SRBD1: variants seen among roughly 807,000 people sequenced by gnomAD.
SRBD1 encodes the protein S1 RNA-binding domain-containing protein 1.
A neutral mutation model predicts 115.3 loss-of-function variants in SRBD1; 88 were observed. That is an observed-to-expected ratio of 0.76 (90% CI 0.64 to 0.91). The LOEUF is 0.91. Among genes scored for constraint, SRBD1 ranks in the 40% least tolerant of loss-of-function variants. SRBD1 has a pLI of 0.00. For missense variants in SRBD1, 1,385 were observed against 1,177.4 expected, an observed-to-expected ratio of 1.18 and a Z score of -2.58; for synonymous variants, 509 against 407.7, an observed-to-expected ratio of 1.25 and a Z score of -2.99.
intron 9 of SRBD1, among the ~76,000 whole-genome samples, chr2:45,567,023 A>ATTC (rs1672850440): frequency 6.6e-6 from 1 of 152,210 alleles, no homozygotes; most frequent in South Asian, 2.1e-4. Flanking sequence ...ACAAAAACTT[A>ATTC]GACTTCCTAT....
Position 45,534,742 on chromosome 2 carries a change from T to C in SRBD1, c.1874+11990A>G, listed in dbSNP as rs78573015. Among the ~76,000 whole-genome samples, 570 of 152,092 alleles carry C rather than the reference T, an allele frequency of 3.7e-3. 10 individuals are homozygous for C. Among genetic ancestry groups the C allele is most frequent in the African/African-American group, 0.013 (542 of 41,550 alleles). ...AACACCAACCACATCTTTTCCTCCA[T>C]ATAAAACAGTATTAACTTCATAACA... On this transcript the variant is annotated intron_variant, in intron 14 of 20. Coordinates refer to ENST00000263736, the MANE Select transcript of SRBD1 (RefSeq NM_018079.5).
At chr2:45,502,483 A>G (rs1422093399) in intron 14 of SRBD1, among the ~76,000 whole-genome samples, 1 of 152,198 alleles carries the variant, frequency 6.6e-6, no homozygotes, top group Non-Finnish European at 1.5e-5. Context: ...CATATACACC[A>G]TGGAATACTA....
chr2:45,409,597 C>T (rs559859239), intron 19 of SRBD1, among the ~76,000 whole-genome samples: 7 of 151,020 alleles, frequency 4.6e-5, no homozygotes, highest in African/African-American at 1.7e-4. Context: ...AATATAGTTA[C>T]TGATGACATA....
At chr2:45,461,681 A>G (rs1484552528) in intron 16 of SRBD1, among the ~76,000 whole-genome samples, 1 of 151,914 alleles carries the variant, frequency 6.6e-6, no homozygotes, top group South Asian at 2.1e-4. Flanking sequence ...TTTAAATCTC[A>G]GAGATTCTCT....
rs982805193 is a variant in SRBD1 at position 45,527,684 on chromosome 2, G to A, written c.1874+19048C>T. On this transcript the variant is annotated intron_variant, in intron 14 of 20. Transcript: ENST00000263736. ...AATTTAATCTTCAAGAAAACCCTAC[G>A]AAGTAGATACTATTATTATCCCCAC... 5.3e-5 allele frequency among the ~76,000 whole-genome samples: 8 copies of A among 151,784 alleles called. No homozygotes were observed. In the South Asian group the frequency reaches 6.2e-4, roughly 12 times the overall value.
intron 16 of SRBD1, among the ~76,000 whole-genome samples, chr2:45,455,369 T>C (rs933180698): frequency 2.6e-5 from 4 of 151,910 alleles, no homozygotes; most frequent in Non-Finnish European, 5.9e-5. Context: ...TGCAGGTATG[T>C]GATAGTAGAT....
chr2:45,547,597 G>A lies in SRBD1; in HGVS notation c.1691C>T (p.Thr564Ile), dbSNP rs775924023. The A allele has an allele frequency of 3.7e-6, 6 of 1,612,896 alleles. No individual in the cohort carries two copies. The South Asian group carries it at 6.6e-5, about 18-fold the overall frequency. Residue 564 changes from threonine (T) to isoleucine (I), a missense_variant, in exon 13 of 21, where the codon ACT (threonine) becomes ATT (isoleucine). Transcript: ENST00000263736. ...IISPTSQILH[T>I]DVVYLHCGQG... ...TCCACAATGCAAGTAAACCACATCA[G>A]TATGAAGTATCTGACCTTTAAAAAA... is the stretch of plus-strand genomic sequence containing the variant.
At chr2:45,435,761 AC>A (rs1668477862) in intron 16 of SRBD1, among the ~76,000 whole-genome samples, 1 of 151,886 alleles carries the variant, frequency 6.6e-6, no homozygotes, top group South Asian at 2.1e-4. Flanking sequence ...GGATTACACT[AC>A]CCCCACCCTA....
chr2:45,412,057 G>C (rs1333817716), intron 19 of SRBD1, among the ~76,000 whole-genome samples: 3 of 151,164 alleles, frequency 2.0e-5, no homozygotes, highest in African/African-American at 7.3e-5. Flanking sequence ...AGGTTGCCGA[G>C]ATCACACCAC....
chr2:45,574,486 G>C (rs1673116191), intron 8 of SRBD1, 141 bp downstream of exon 8: 2 of 679,556 alleles, frequency 2.9e-6, no homozygotes, highest in Admixed American at 3.2e-5. Flanking sequence ...TTTGGGCTCT[G>C]TTGTTTGAAC....
At chr2:45,547,381 T>G in intron 13 of SRBD1, 141 bp downstream of exon 13, 1 of 647,358 alleles carries the variant, frequency 1.5e-6, no homozygotes, top group Non-Finnish European at 2.6e-6. Flanking sequence ...TCTCCAGCAA[T>G]TTGCCCCAGA....
chr2:45,590,635 T>A (rs950837137), intron 4 of SRBD1, among the ~76,000 whole-genome samples: 3 of 152,282 alleles, frequency 2.0e-5, no homozygotes, highest in African/African-American at 4.8e-5. Flanking sequence ...CCTGCCACCA[T>A]GTGAAGAAGG....
intron 14 of SRBD1, among the ~76,000 whole-genome samples, chr2:45,507,188 T>C (rs3770277): frequency 0.36 from 54,732 of 151,946 alleles, 11,035 homozygotes; most frequent in Non-Finnish European, 0.46. Flanking sequence ...ACTTGGTATG[T>C]ATCTCAACTG....
At chr2:45,486,967 T>C (rs2103850227) in intron 15 of SRBD1, among the ~76,000 whole-genome samples, 1 of 152,084 alleles carries the variant, frequency 6.6e-6, no homozygotes, top group East Asian at 1.9e-4. Flanking sequence ...AAAGAGTACA[T>C]GGTAAGGAGA....
At chr2:45,562,536 A>G (rs1411338830) in intron 10 of SRBD1, 117 bp downstream of exon 10, 2 of 789,418 alleles carry the variant, frequency 2.5e-6, no homozygotes, top group Non-Finnish European at 3.7e-6. Context: ...CCGGCCTGTC[A>G]CTGGCTTTTT....
intron 4 of SRBD1, among the ~76,000 whole-genome samples, chr2:45,591,150 G>C (rs775910562): frequency 6.6e-6 from 1 of 152,176 alleles, no homozygotes; most frequent in Non-Finnish European, 1.5e-5. Context: ...ATTGCTCCTG[G>C]GGATAACATT....
At chr2:45,402,499 T>C (rs945076084) in intron 19 of SRBD1, among the ~76,000 whole-genome samples, 1 of 152,202 alleles carries the variant, frequency 6.6e-6, no homozygotes, top group Non-Finnish European at 1.5e-5. Context: ...AATCATTCCT[T>C]GACATACATT....
intron 9 of SRBD1, among the ~76,000 whole-genome samples, chr2:45,563,996 A>G (rs1470295771): frequency 6.6e-6 from 1 of 152,192 alleles, no homozygotes; most frequent in African/African-American, 2.4e-5. Flanking sequence ...ACTTCACAAG[A>G]AAACTACAAA....
chr2:45,539,365 A>G (rs576884887), intron 14 of SRBD1, among the ~76,000 whole-genome samples: 51 of 152,204 alleles, frequency 3.4e-4, no homozygotes, highest in Non-Finnish European at 6.9e-4. Context: ...TCACAGAACC[A>G]GAAGAATAAA....
Sources: gnomAD v4.1 joint callset for allele counts (sites outside exome capture counted in the v4.1 genomes callset) on GRCh38, gnomAD v4.1.1 for gene constraint, MANE v1.5 for transcripts, NCBI Gene and HGNC (gene_info 2026-07-23, HGNC 2026-07-21) for gene names.